ITSN1: variants seen among roughly 807,000 people sequenced by gnomAD.
The protein encoded by ITSN1 is intersectin 1, also known as intersectin-1.
ITSN1 carries 58 observed loss-of-function variants against 239.8 expected under a neutral mutation model. The observed-to-expected ratio is 0.24, with a 90% CI of 0.20 to 0.30. The LOEUF (loss-of-function observed/expected upper bound fraction) is 0.30. Ranked by LOEUF, ITSN1 falls within the 10% of genes least tolerant of loss-of-function variation. The pLI is 1.00. For missense variants in ITSN1, 1,558 were observed against 2,103.3 expected (o/e 0.74, Z 5.07); for synonymous variants, 780 against 770.8 (o/e 1.01, Z -0.20).
chr21:33,673,398 G>A (rs1217037222), intron 1 of ITSN1, among the ~76,000 whole-genome samples: 3 of 152,144 alleles, frequency 2.0e-5, no homozygotes, highest in African/African-American at 7.2e-5. Context: ...ACACACACAC[G>A]TAGCTATGTG....
At chr21:33,867,074 G>C (rs1981735505) in intron 32 of ITSN1, among the ~76,000 whole-genome samples, 159 bp from the exon 33 acceptor site, 1 of 152,066 alleles carries the variant, frequency 6.6e-6, no homozygotes, top group Non-Finnish European at 1.5e-5. Flanking sequence ...TGTCATCCTG[G>C]ACAGGGTAAC....
At chr21:33,715,185 A>G (rs1173514426) in intron 1 of ITSN1, among the ~76,000 whole-genome samples, 10 of 152,180 alleles carry the variant, frequency 6.6e-5, no homozygotes, top group African/African-American at 2.4e-4. Context: ...TGCTATCACA[A>G]CTATTTTGTA....
intron 19 of ITSN1, among the ~76,000 whole-genome samples, chr21:33,801,298 T>G (rs1406456852): frequency 6.6e-6 from 1 of 152,230 alleles, no homozygotes; most frequent in Non-Finnish European, 1.5e-5. Flanking sequence ...GCATTCATCT[T>G]GCCATATACA....
chr21:33,661,326 A>G (rs1226656909), intron 1 of ITSN1, among the ~76,000 whole-genome samples: 1 of 152,204 alleles, frequency 6.6e-6, no homozygotes, highest in Non-Finnish European at 1.5e-5. Flanking sequence ...TAGCACATAA[A>G]TGCTTTGAGT....
intron 18 of ITSN1, among the ~76,000 whole-genome samples, chr21:33,798,492 C>T (rs1033323452): frequency 1.1e-4 from 17 of 152,162 alleles, no homozygotes; most frequent in African/African-American, 3.9e-4. Context: ...CTAGAAAAAG[C>T]TATCCTTTAT....
intron 15 of ITSN1, 100 bp downstream of exon 15, chr21:33,781,648 T>C: frequency 1.4e-6 from 1 of 693,884 alleles, no homozygotes; most frequent in Non-Finnish European, 2.4e-6. Flanking sequence ...TGGCGCAATC[T>C]CGGCCAACTG....
chr21:33,778,571 C>CTTTTTTTTTTT (rs397948229), intron 14 of ITSN1, among the ~76,000 whole-genome samples: 12 of 63,952 alleles, frequency 1.9e-4, no homozygotes, highest in East Asian at 1.0e-3. Context: ...ATAATATTCT[C>CTTTTTTTTTTT]TTTTTTTTTT....
intron 14 of ITSN1, among the ~76,000 whole-genome samples, chr21:33,776,522 G>C (rs116468500): frequency 6.7e-6 from 1 of 149,294 alleles, no homozygotes. Context: ...TGACTGCCTG[G>C]GCCACAGAAT....
intron 29 of ITSN1, chr21:33,838,463 C>T (rs926534018): frequency 5.1e-6 from 5 of 981,436 alleles, no homozygotes; most frequent in Non-Finnish European, 6.1e-6. Context: ...GAATTAGTTC[C>T]GTGTATAGAT....
At chr21:33,850,485 G>A (rs563138679) in intron 29 of ITSN1, among the ~76,000 whole-genome samples, 74 of 152,318 alleles carry the variant, frequency 4.9e-4, no homozygotes, top group African/African-American at 1.4e-3. Context: ...ACTGATAACC[G>A]CTTGGAGTGA....
intron 31 of ITSN1, among the ~76,000 whole-genome samples, chr21:33,863,395 C>T (rs529868282): frequency 6.6e-6 from 1 of 152,348 alleles, no homozygotes; most frequent in East Asian, 1.9e-4. Context: ...GTGGCTCATG[C>T]CTATAATCCC....
At chr21:33,697,086 C>CTTT (rs879424954) in intron 1 of ITSN1, among the ~76,000 whole-genome samples, 5 of 139,172 alleles carry the variant, frequency 3.6e-5, no homozygotes, top group African/African-American at 7.8e-5. Context: ...TAGATTGTCT[C>CTTT]TTTTTTTTTT....
At chr21:33,834,765 G>A (rs546402740) in intron 28 of ITSN1, among the ~76,000 whole-genome samples, 32 of 150,556 alleles carry the variant, frequency 2.1e-4, no homozygotes, top group African/African-American at 7.8e-4. Flanking sequence ...GACAGAAAGG[G>A]ACACCCAAAA....
At chr21:33,885,806 GC>G (rs1985697597) in intron 38 of ITSN1, among the ~76,000 whole-genome samples, 1 of 152,188 alleles carries the variant, frequency 6.6e-6, no homozygotes, top group Non-Finnish European at 1.5e-5. Context: ...TAGTTTCAAA[GC>G]CCACTCAATT....
At chr21:33,830,263 A>T (rs867138252) in intron 27 of ITSN1, among the ~76,000 whole-genome samples, 2 of 152,176 alleles carry the variant, frequency 1.3e-5, no homozygotes, top group South Asian at 4.1e-4. Flanking sequence ...AGAGACAAAG[A>T]TGCTTTAAAA....
intron 16 of ITSN1, among the ~76,000 whole-genome samples, chr21:33,788,343 C>T (rs1054332508): frequency 6.6e-6 from 1 of 152,148 alleles, no homozygotes; most frequent in Non-Finnish European, 1.5e-5. Flanking sequence ...CCATTTTGTG[C>T]CATGGGAAAT....
chr21:33,658,596 A>G (rs1018936698), intron 1 of ITSN1, among the ~76,000 whole-genome samples: 1 of 152,194 alleles, frequency 6.6e-6, no homozygotes, highest in Non-Finnish European at 1.5e-5. Flanking sequence ...TGTGCAGTTC[A>G]TCATTGACTC....
rs901584519 is a variant in ITSN1, at chr21:33,888,973, C to G, written c.*673C>G. On this transcript the variant is annotated 3_prime_UTR_variant, in exon 40 of 40. Coordinates refer to ENST00000381318, the MANE Select transcript of ITSN1 (RefSeq NM_003024.3). ...ATTAATATATGTCAATGAAAACACA[C>G]TGGTGTATTGTTGCGTGGATTCAGT... The G allele has an allele frequency of 3.3e-5, 5 of 152,222 alleles. No individual in the cohort carries two copies. The highest frequency in any genetic ancestry group is 1.2e-4 in the African/African-American group (5 of 41,454). The allele number at this position is 152,222 out of a possible 1,614,324, so 9.4% of individuals were successfully genotyped here.
At chr21:33,819,410 T>G in intron 24 of ITSN1, 87 bp downstream of exon 24, 1 of 924,432 alleles carries the variant, frequency 1.1e-6, no homozygotes, top group Non-Finnish European at 1.7e-6. Context: ...CATCTTAAGA[T>G]AGACTGCATT....
Sources: allele counts gnomAD v4.1 joint callset (sites outside exome capture counted in the v4.1 genomes callset), GRCh38; gene constraint gnomAD v4.1.1; transcripts MANE v1.5; gene names NCBI Gene and HGNC (gene_info 2026-07-23, HGNC 2026-07-21).